The following XRN1 variants were observed in gnomAD, a reference collection of about 807,000 sequenced individuals.
XRN1 encodes strand-exchange protein 1 homolog.
Under a neutral mutation model 222.3 loss-of-function variants are expected in XRN1, and 67 were observed. That is an observed-to-expected ratio of 0.30 (90% CI 0.25 to 0.37). The LOEUF is 0.37. Among genes scored for constraint, XRN1 ranks in the 10% least tolerant of loss-of-function variants. The pLI, the probability that XRN1 is intolerant of heterozygous loss-of-function variation, is 1.00. For missense variants in XRN1, 1,707 were observed against 2,000.2 expected (o/e 0.85, Z 2.80); for synonymous variants, 643 against 652.4 (o/e 0.99, Z 0.22).
intron 2 of XRN1, chr3:142,429,827 C>T (rs184759013): frequency 5.9e-5 from 9 of 152,324 alleles, no homozygotes; most frequent in Admixed American, 2.6e-4. Context: ...GCCTGCATCA[C>T]AATTGAGGCA....
At chr3:142,411,236 A>C (rs1329068114) in intron 15 of XRN1, among the ~76,000 whole-genome samples, 1 of 152,022 alleles carries the variant, frequency 6.6e-6, no homozygotes, top group African/African-American at 2.4e-5. Flanking sequence ...CCTTTTATTT[A>C]ACTTTCTTGA....
intron 33 of XRN1, among the ~76,000 whole-genome samples, chr3:142,346,039 C>A (rs926489755): frequency 2.6e-5 from 4 of 152,126 alleles, no homozygotes; most frequent in African/African-American, 9.7e-5. Context: ...ATGCATATAC[C>A]CAAGAGAACT....
chr3:142,368,555 A>G, intron 27 of XRN1, among the ~76,000 whole-genome samples: 1 of 152,244 alleles, frequency 6.6e-6, no homozygotes, highest in East Asian at 1.9e-4. Flanking sequence ...ACATTTTAGA[A>G]AGCTCTGAAT....
Position 142,426,804 on chromosome 3 carries a change from T to C in XRN1, c.346A>G (p.Ile116Val), listed in dbSNP as rs2108130265. 3.1e-6 allele frequency: 5 copies of C among 1,613,848 alleles called. No homozygotes were observed. The highest frequency in any genetic ancestry group is 1.1e-5 in the South Asian group (1 of 91,078). ...KEAEDKIKKA[I>V]EKGETLPTEA... ...GTAGGAAGAGTTTCTCCCTTCTCTA[T>C]TGCCTTTTTAATTTTGTCTTCTGCC... is the stretch of plus-strand genomic sequence containing the variant. Residue 116 changes from isoleucine (I) to valine (V), a missense_variant, in exon 3 of 41, where the codon ATA becomes GTA. By Grantham distance (29) the Ile-to-Val change is conservative. Transcript: ENST00000392981.
At chr3:142,437,411 T>C (rs533953416) in intron 1 of XRN1, among the ~76,000 whole-genome samples, 1 of 152,302 alleles carries the variant, frequency 6.6e-6, no homozygotes, top group South Asian at 2.1e-4. Flanking sequence ...TGCTTCCAGT[T>C]TTCTCTCTCA....
intron 12 of XRN1, among the ~76,000 whole-genome samples, chr3:142,417,593 T>C (rs1456149622): frequency 2.6e-5 from 4 of 152,194 alleles, no homozygotes; most frequent in Non-Finnish European, 5.9e-5. Flanking sequence ...GGAATCTTCT[T>C]TACATGGGAT....
At position 142,311,601 on chromosome 3, in the gene XRN1, T is replaced by C; in HGVS notation, c.4995A>G (p.Ile1665Met). The change falls in exon 41 of 41, where the codon ATA (isoleucine) becomes ATG (methionine). Residue 1665 changes from isoleucine to methionine, a missense_variant. Ile to Met is a conservative substitution (Grantham distance 10). This residue lies in a region of XRN1 where 473 missense variants were observed against 482.0 expected (regional missense o/e 0.98). Transcript: ENST00000392981. The stretch of plus-strand genomic sequence containing the variant: ...AGATTGGTGTTGACTTATGGTGAGA[T>C]ATACTATGGCCTTGAGAGGCAGTTT... ...QVETASQGHSISHHKSTPISS... is the reference protein window; with the variant it reads ...QVETASQGHSMSHHKSTPISS... The C allele has an allele frequency of 6.2e-7, 1 of 1,614,142 alleles. No individual in the cohort carries two copies. Among genetic ancestry groups the C allele is most frequent in the Non-Finnish European group, 8.5e-7 (1 of 1,179,998 alleles).
intron 29 of XRN1, among the ~76,000 whole-genome samples, chr3:142,360,224 G>A (rs1331486572): frequency 1.3e-5 from 2 of 152,078 alleles, no homozygotes; most frequent in Non-Finnish European, 2.9e-5. Context: ...ACATACATAT[G>A]TATCTATGAA....
At chr3:142,335,608 C>G (rs2065831530) in intron 33 of XRN1, 99 bp from the exon 34 acceptor site, 1 of 1,079,510 alleles carries the variant, frequency 9.3e-7, no homozygotes. Context: ...GTTAAAAATT[C>G]AGAGAATTTC....
intron 37 of XRN1, among the ~76,000 whole-genome samples, chr3:142,324,911 TC>T (rs1459870493): frequency 1.3e-5 from 2 of 152,164 alleles, no homozygotes; most frequent in African/African-American, 4.8e-5. Flanking sequence ...GAAGTGTATA[TC>T]TTGAGAAGTG....
At position 142,382,310 on chromosome 3, in the gene XRN1, T is replaced by G. The variant is rs191061576; in HGVS notation, c.2616+990A>C. On this transcript the variant is annotated intron_variant, in intron 22 of 40. Transcript: ENST00000392981. ...TATCATAATGGTTGCACAATGGTTT[T>G]TCAACTGCAGCACTCTCTCCAAATT... 1.1e-3 allele frequency among the ~76,000 whole-genome samples: 175 copies of G among 152,302 alleles called. 1 individual carries two copies. Among genetic ancestry groups the G allele is most frequent in the African/African-American group, 4.0e-3 (166 of 41,566 alleles).
At chr3:142,345,827 A>C (rs1029929343) in intron 33 of XRN1, among the ~76,000 whole-genome samples, 2 of 152,244 alleles carry the variant, frequency 1.3e-5, no homozygotes, top group South Asian at 2.1e-4. Flanking sequence ...AATGAAAACC[A>C]CAAGAACATT....
At position 142,432,854 on chromosome 3, in the gene XRN1, T is replaced by G. The variant is rs2069690597; in HGVS notation, c.115A>C (p.Ile39Leu). The G allele has an allele frequency of 6.2e-7, 1 of 1,613,080 alleles. No individual in the cohort carries two copies. The highest frequency in any genetic ancestry group is 1.7e-5 in the Admixed American group (1 of 59,944). ...FDNLYLDMNG[I>L]IHQCSHPNDD... is the part of the protein sequence containing the mutation. ...TTAGGATGGGAGCACTGATGTATAATTCCATTCATATCCAGGTACAAGTTG... is the reference window on the plus strand; with the variant it reads ...TTAGGATGGGAGCACTGATGTATAAGTCCATTCATATCCAGGTACAAGTTG... Residue 39 changes from isoleucine (I) to leucine (L), a missense_variant, in exon 2 of 41, where the codon ATT (isoleucine) becomes CTT (leucine). By Grantham distance (5) the Ile-to-Leu change is conservative. Transcript: ENST00000392981.
At position 142,405,524 on chromosome 3, in the gene XRN1, T is replaced by TA. The variant is rs572774700; in HGVS notation, c.1714-449dup. ...TCAATGATTTAAAATATCTTTTTTT[T>TA]AAAAAAAGAATAAGATACCAGTGTT... On this transcript the variant is annotated intron_variant, in intron 15 of 40. Transcript: ENST00000392981. 5.9e-5 allele frequency among the ~76,000 whole-genome samples: 9 copies of TA among 152,172 alleles called. No homozygotes were observed. The South Asian group carries it at 1.0e-3, about 18-fold the overall frequency.
intron 34 of XRN1, among the ~76,000 whole-genome samples, chr3:142,334,299 T>C (rs1490220508): frequency 1.3e-5 from 2 of 152,082 alleles, no homozygotes; most frequent in African/African-American, 4.8e-5. Flanking sequence ...CATTAATGGG[T>C]TCCATTTACT....
At position 142,382,073 on chromosome 3, in the gene XRN1, T is replaced by C. The variant is rs1190478327; in HGVS notation, c.2616+1227A>G. Among the ~76,000 whole-genome samples, 6 of 152,358 alleles carry C rather than the reference T, an allele frequency of 3.9e-5. No individual in the cohort carries two copies. In the East Asian group the frequency reaches 9.6e-4, roughly 24 times the overall value. ...TACATCTGGAGGTACACAATGTTCA[T>C]CTGTCCTTTAATGCGATGCTAACTT... On this transcript the variant is annotated intron_variant, in intron 22 of 40. Coordinates refer to ENST00000392981, the MANE Select transcript of XRN1 (RefSeq NM_001282857.2).
chr3:142,344,361 T>C (rs2066080712), intron 33 of XRN1, among the ~76,000 whole-genome samples: 1 of 152,098 alleles, frequency 6.6e-6, no homozygotes, highest in African/African-American at 2.4e-5. Flanking sequence ...ATACCTACTA[T>C]GTATCCACAA....
chr3:142,369,671 A>G (rs968023252), intron 27 of XRN1, among the ~76,000 whole-genome samples: 1 of 150,948 alleles, frequency 6.6e-6, no homozygotes, highest in Non-Finnish European at 1.5e-5. Flanking sequence ...AAAAAAAAAA[A>G]CAAGAGTATA....
At chr3:142,331,362 G>A (rs999624793) in intron 36 of XRN1, among the ~76,000 whole-genome samples, 6 of 116,540 alleles carry the variant, frequency 5.1e-5, no homozygotes, top group African/African-American at 1.9e-4. Context: ...ACAGACTTAA[G>A]AGTATGACTC....
Sources: allele counts gnomAD v4.1 joint callset (sites outside exome capture counted in the v4.1 genomes callset), GRCh38; gene constraint gnomAD v4.1.1; regional missense constraint gnomAD v4.1.1; transcripts MANE v1.5; gene names NCBI Gene and HGNC (gene_info 2026-07-23, HGNC 2026-07-21).